ZNF804B: variants seen among roughly 807,000 people sequenced by gnomAD.
The protein encoded by ZNF804B is zinc finger 804B.
ZNF804B carries 80 observed loss-of-function variants against 101.4 expected under a neutral mutation model. That is an observed-to-expected ratio of 0.79 (90% confidence interval 0.66 to 0.95). ZNF804B has a LOEUF of 0.95. ZNF804B is among the 40% of genes least tolerant of loss of function. The probability of loss-of-function intolerance (pLI) is 0.00; values close to 1 mark genes in which losing one functional copy is unlikely to be tolerated. For synonymous variants in ZNF804B, 622 were observed against 558.8 expected, an observed-to-expected ratio of 1.11 and a Z score of -1.59; for missense variants, 1,673 against 1,561.9, an observed-to-expected ratio of 1.07 and a Z score of -1.20.
At chr7:89,050,333 T>C (rs1236670253) in intron 1 of ZNF804B, among the ~76,000 whole-genome samples, 2 of 135,770 alleles carry the variant, frequency 1.5e-5, no homozygotes, top group African/African-American at 5.7e-5. Context: ...AAGCATGGGA[T>C]CAGAGTCTTA....
chr7:89,193,276 T>TG (rs1338609189), intron 1 of ZNF804B, among the ~76,000 whole-genome samples: 5 of 151,132 alleles, frequency 3.3e-5, no homozygotes, highest in African/African-American at 9.7e-5. Flanking sequence ...AAGCTTCGTT[T>TG]TTTTTTTTTA....
chr7:88,927,791 A>T (rs1792828470), intron 1 of ZNF804B, among the ~76,000 whole-genome samples: 1 of 152,026 alleles, frequency 6.6e-6, no homozygotes, highest in Non-Finnish European at 1.5e-5. Flanking sequence ...TTATATCCTC[A>T]TTATCTTCTC....
At chr7:89,261,320 T>TAC (rs1210890645) in intron 2 of ZNF804B, among the ~76,000 whole-genome samples, 1 of 152,192 alleles carries the variant, frequency 6.6e-6, no homozygotes, top group African/African-American at 2.4e-5. Context: ...GACTAGTATA[T>TAC]ACATGTATTT....
intron 1 of ZNF804B, among the ~76,000 whole-genome samples, chr7:88,872,673 T>G (rs1791849905): frequency 6.7e-6 from 1 of 148,284 alleles, no homozygotes; most frequent in Admixed American, 6.7e-5. Flanking sequence ...CCTGTGTCCA[T>G]GTGTTCTCAT....
intron 1 of ZNF804B, among the ~76,000 whole-genome samples, chr7:89,152,721 C>G (rs569283368): frequency 8.5e-4 from 129 of 152,230 alleles, no homozygotes; most frequent in Non-Finnish European, 1.3e-3. Flanking sequence ...TTGCCTTTAA[C>G]ATCAATGTTG....
intron 1 of ZNF804B, among the ~76,000 whole-genome samples, chr7:88,982,579 T>C (rs1001850394): frequency 6.6e-6 from 1 of 152,098 alleles, no homozygotes; most frequent in African/African-American, 2.4e-5. Flanking sequence ...GTATTGACTG[T>C]GTCCTAATCT....
At chr7:89,053,909 G>C (rs1330794037) in intron 1 of ZNF804B, among the ~76,000 whole-genome samples, 4 of 152,032 alleles carry the variant, frequency 2.6e-5, no homozygotes, top group African/African-American at 4.8e-5. Context: ...GTCTCAGATG[G>C]GGAGAATATA....
chr7:89,321,350 G>A (rs1790816775), intron 2 of ZNF804B, among the ~76,000 whole-genome samples: 1 of 151,964 alleles, frequency 6.6e-6, no homozygotes, highest in Admixed American at 6.6e-5. Context: ...GTGGTGGCAG[G>A]TGCCTGTAGT....
intron 1 of ZNF804B, among the ~76,000 whole-genome samples, chr7:89,058,100 C>A (rs1268365919): frequency 6.6e-6 from 1 of 152,098 alleles, no homozygotes; most frequent in African/African-American, 2.4e-5. Flanking sequence ...ATTTCATTAA[C>A]TTTGATTACA....
At chr7:88,865,849 C>G (rs1562816611) in intron 1 of ZNF804B, among the ~76,000 whole-genome samples, 1 of 152,220 alleles carries the variant, frequency 6.6e-6, no homozygotes, top group Non-Finnish European at 1.5e-5. Context: ...CTTGCTGACC[C>G]TTTTCCCAGC....
At chr7:88,794,007 A>C in intron 1 of ZNF804B, 1 of 478,862 alleles carries the variant, frequency 2.1e-6, no homozygotes, top group South Asian at 6.2e-5. Flanking sequence ...TACCACAACA[A>C]ATAGATACAT....
At chr7:88,988,516 A>G (rs751897271) in intron 1 of ZNF804B, among the ~76,000 whole-genome samples, 16 of 152,134 alleles carry the variant, frequency 1.1e-4, no homozygotes, top group African/African-American at 3.6e-4. Context: ...CAACTATTGC[A>G]AATGCTTCAT....
intron 1 of ZNF804B, among the ~76,000 whole-genome samples, chr7:89,025,782 C>G (rs1453941914): frequency 6.6e-6 from 1 of 152,124 alleles, no homozygotes; most frequent in Non-Finnish European, 1.5e-5. Flanking sequence ...CACAGTGATT[C>G]AGTTTCTTGC....
At chr7:88,774,538 G>C (rs1790115985) in intron 1 of ZNF804B, among the ~76,000 whole-genome samples, 1 of 152,146 alleles carries the variant, frequency 6.6e-6, no homozygotes, top group Non-Finnish European at 1.5e-5. Context: ...TCTGTTCCTA[G>C]TGGTCAATGC....
chr7:88,962,190 A>G (rs1793395324), intron 1 of ZNF804B, among the ~76,000 whole-genome samples: 1 of 151,228 alleles, frequency 6.6e-6, no homozygotes, highest in East Asian at 2.0e-4. Context: ...TCACTTCCTT[A>G]AGGACCAGAA....
intron 1 of ZNF804B, among the ~76,000 whole-genome samples, chr7:88,786,750 G>T (rs916629719): frequency 3.3e-5 from 5 of 152,142 alleles, no homozygotes; most frequent in Admixed American, 3.3e-4. Flanking sequence ...AAAATTGTTT[G>T]ATTTCCATTT....
chr7:88,929,253 G>A (rs1302972933), intron 1 of ZNF804B, among the ~76,000 whole-genome samples: 1 of 151,712 alleles, frequency 6.6e-6, no homozygotes, highest in African/African-American at 2.4e-5. Context: ...GTGTGAGTGT[G>A]CTCATGTATT....
Position 89,333,898 on chromosome 7 carries a change from A to C in ZNF804B, c.916A>C (p.Lys306Gln). The C allele has an allele frequency of 1.9e-6, 3 of 1,613,552 alleles. No individual in the cohort carries two copies. Among genetic ancestry groups the C allele is most frequent in the Non-Finnish European group, 1.7e-6 (2 of 1,179,760 alleles). Residue 306 changes from lysine (K) to glutamine (Q), a missense_variant, in exon 4 of 4, where the codon AAA (lysine) becomes CAA (glutamine). By Grantham distance (53) the Lys-to-Gln change is moderately conservative. Coordinates refer to ENST00000333190, the MANE Select transcript of ZNF804B (RefSeq NM_181646.5). ...CATAAACTCTAAAATTTTGCAAGAC[A>C]AACACGACTCTATTGATGAGACACT... ...ISINSKILQD[K>Q]HDSIDETLED... is the part of the protein sequence containing the mutation.
chr7:88,877,232 A>G (rs991016054), intron 1 of ZNF804B, among the ~76,000 whole-genome samples: 4 of 149,996 alleles, frequency 2.7e-5, no homozygotes, highest in Non-Finnish European at 5.9e-5. Flanking sequence ...ATAGAATTTT[A>G]AAAAGCAAAA....
Sources: allele counts gnomAD v4.1 joint callset (sites outside exome capture counted in the v4.1 genomes callset), GRCh38; gene constraint gnomAD v4.1.1; transcripts MANE v1.5; gene names NCBI Gene and HGNC (gene_info 2026-07-23, HGNC 2026-07-21).